The following CC2D2A variants were observed in gnomAD, a reference collection of about 807,000 sequenced individuals.
CC2D2A encodes the protein coiled-coil and C2 domain-containing protein 2A.
Under a neutral mutation model 212.9 loss-of-function variants are expected in CC2D2A, and 155 were observed. The observed-to-expected ratio is 0.73, with a 90% CI of 0.64 to 0.83. The LOEUF (loss-of-function observed/expected upper bound fraction) is 0.83, where lower values mean the gene tolerates loss of function less well. Ranked by LOEUF, CC2D2A falls within the 40% of genes least tolerant of loss-of-function variation. The pLI is 0.00. For synonymous variants in CC2D2A, 667 were observed against 686.5 expected, an observed-to-expected ratio of 0.97 and a Z score of 0.44; for missense variants, 1,856 against 1,956.2, an observed-to-expected ratio of 0.95 and a Z score of 0.97.
Position 15,527,681 on chromosome 4 carries a change from A to T in CC2D2A, c.1359+25A>T, listed in dbSNP as rs748281944. 7 of 1,548,044 alleles carry T rather than the reference A, an allele frequency of 4.5e-6. No individual in the cohort carries two copies. The South Asian group carries it at 8.3e-5, about 18-fold the overall frequency. On this transcript the variant is annotated intron_variant, in intron 12 of 36. Coordinates refer to ENST00000424120, the MANE Select transcript of CC2D2A (RefSeq NM_001378615.1). ...GGTACATGTGATTTCTTCCATAATGATTGTCAATGGAGTTGGTTCTTCCAA... is the reference window on the plus strand; with the variant it reads ...GGTACATGTGATTTCTTCCATAATGTTTGTCAATGGAGTTGGTTCTTCCAA...
At position 15,538,064 on chromosome 4, in the gene CC2D2A, A is replaced by G; in HGVS notation, c.1930A>G (p.Arg644Gly). 1 of 1,607,636 alleles carries G rather than the reference A, an allele frequency of 6.2e-7. No individual in the cohort carries two copies. The highest frequency in any genetic ancestry group is 8.5e-7 in the Non-Finnish European group (1 of 1,177,212). Reference protein sequence around the residue: ...VRERAAQSRRRPWEPTLVPEL... With the variant: ...VRERAAQSRRGPWEPTLVPEL... Reference sequence around the variant, plus strand: ...GGAGAGAGCAGCCCAGAGCAGGAGGAGGCCTTGGGAGCCCACGCTGGTCCC... The same window carrying G: ...GGAGAGAGCAGCCCAGAGCAGGAGGGGGCCTTGGGAGCCCACGCTGGTCCC... The change falls in exon 16 of 37, where the codon AGG becomes GGG. Residue 644 changes from arginine to glycine, a missense_variant. By Grantham distance (125) the Arg-to-Gly change is moderately radical. This residue lies in a region of CC2D2A where 1,512 missense variants were observed against 1,579.3 expected (regional missense o/e 0.96). Coordinates refer to ENST00000424120, the MANE Select transcript of CC2D2A (RefSeq NM_001378615.1).
intron 17 of CC2D2A, among the ~76,000 whole-genome samples, chr4:15,542,507 G>A (rs1452761503): frequency 6.6e-6 from 1 of 152,182 alleles, no homozygotes; most frequent in Non-Finnish European, 1.5e-5. Flanking sequence ...TTCCCACTGA[G>A]CCTGAATATA....
chr4:15,579,125 C>A (rs1230861739), intron 29 of CC2D2A, among the ~76,000 whole-genome samples: 1 of 152,018 alleles, frequency 6.6e-6, no homozygotes, highest in Non-Finnish European at 1.5e-5. Flanking sequence ...TAAAGGAAAT[C>A]TACATTTGTT....
chr4:15,592,089 G>A (rs543985290), intron 33 of CC2D2A, among the ~76,000 whole-genome samples: 1 of 152,120 alleles, frequency 6.6e-6, no homozygotes, highest in Non-Finnish European at 1.5e-5. Context: ...TTGGATGTCA[G>A]TCTTTTTCCT....
chr4:15,575,698 C>A (rs1278274446), intron 29 of CC2D2A, among the ~76,000 whole-genome samples: 1 of 152,154 alleles, frequency 6.6e-6, no homozygotes, highest in Admixed American at 6.5e-5. Flanking sequence ...AACAGTGCTT[C>A]TCTAGATATA....
chr4:15,561,654 C>A (rs1174789471), intron 23 of CC2D2A: 3 of 151,076 alleles, frequency 2.0e-5, no homozygotes, highest in Non-Finnish European at 4.4e-5. Flanking sequence ...TAAGATGTTT[C>A]TGTATTTGAT....
intron 5 of CC2D2A, 78 bp downstream of exon 5, chr4:15,502,595 C>T (rs1343571318): frequency 2.4e-5 from 30 of 1,276,046 alleles, no homozygotes; most frequent in Non-Finnish European, 3.1e-5. Context: ...TTTTTATGCT[C>T]CAAACTGCAT....
In CC2D2A at chr4:15,555,122, C is replaced by A. The variant is rs534682728; in HGVS notation, c.2537C>A (p.Thr846Lys). 4.3e-6 allele frequency: 7 copies of A among 1,613,790 alleles called. No homozygotes were observed. Among genetic ancestry groups the A allele is most frequent in the Non-Finnish European group, 5.9e-6 (7 of 1,179,818 alleles). The change falls in exon 20 of 37, where the codon ACA becomes AAA. Residue 846 changes from threonine to lysine, a missense_variant. By Grantham distance (78) the Thr-to-Lys change is moderately conservative. This residue lies in a region of CC2D2A where 1,512 missense variants were observed against 1,579.3 expected (regional missense o/e 0.96). Transcript: ENST00000424120. ...TCATCTATTGGCACATCAGGACTGACAGACATGAAAAAATTGGCCAAGTGG... is the reference window on the plus strand; with the variant it reads ...TCATCTATTGGCACATCAGGACTGAAAGACATGAAAAAATTGGCCAAGTGG... Reference protein sequence around the residue: ...AISSIGTSGLTDMKKLAKWAA... With the variant: ...AISSIGTSGLKDMKKLAKWAA...
At chr4:15,489,537 C>T (rs973343164) in intron 4 of CC2D2A, among the ~76,000 whole-genome samples, 6 of 152,184 alleles carry the variant, frequency 3.9e-5, no homozygotes, top group Admixed American at 2.6e-4. Flanking sequence ...AAGCCAAGGC[C>T]GCAATTAATC....
chr4:15,540,897 C>T lies in CC2D2A; in HGVS notation c.2064C>T (p.Phe688=). Residue 688 remains phenylalanine (F), a synonymous_variant, in exon 17 of 37, where the codon TTC becomes TTT. Transcript: ENST00000424120. ...GCTCAGTGTACTTAAAAGTGCTGTT[C>T]AACAACAAGGAGGTGTCCAGGACAG... ...KKRSVYLKVL[F]NNKEVSRTVS... is the part of the protein sequence containing the mutation. The T allele has an allele frequency of 6.3e-7, 1 of 1,592,448 alleles. No individual in the cohort carries two copies. The highest frequency in any genetic ancestry group is 8.6e-7 in the Non-Finnish European group (1 of 1,169,180).
intron 8 of CC2D2A, among the ~76,000 whole-genome samples, chr4:15,513,882 G>C (rs753848056): frequency 4.6e-5 from 7 of 152,154 alleles, no homozygotes; most frequent in Admixed American, 3.3e-4. Flanking sequence ...TGTACTTGGG[G>C]AGGAAATCTT....
chr4:15,559,678 T>TTTCCTTCC (rs1294870908), intron 22 of CC2D2A, among the ~76,000 whole-genome samples: 1 of 151,350 alleles, frequency 6.6e-6, no homozygotes, highest in Non-Finnish European at 1.5e-5. Context: ...TTTTTCCTTC[T>TTTCCTTCC]TTCCTTCCTT....
intron 1 of CC2D2A, 67 bp from the exon 2 acceptor site, chr4:15,475,848 T>G (rs1714176775): frequency 8.1e-7 from 1 of 1,237,196 alleles, no homozygotes; most frequent in Non-Finnish European, 1.2e-6. Flanking sequence ...CTCTTACATA[T>G]CCATAGTAAG....
At chr4:15,512,615 G>A (rs2109009052) in intron 8 of CC2D2A, among the ~76,000 whole-genome samples, 1 of 152,236 alleles carries the variant, frequency 6.6e-6, no homozygotes, top group South Asian at 2.1e-4. Flanking sequence ...GGTGGTAAGG[G>A]TAGAATCACA....
At chr4:15,566,283 C>CAGG (rs1183275184) in intron 24 of CC2D2A, among the ~76,000 whole-genome samples, 2 of 152,132 alleles carry the variant, frequency 1.3e-5, no homozygotes, top group Non-Finnish European at 2.9e-5. Context: ...TGAGGCTTGG[C>CAGG]AGGCCCCAGG....
intron 14 of CC2D2A, among the ~76,000 whole-genome samples, chr4:15,534,929 T>C (rs1024730724): frequency 6.6e-6 from 1 of 151,760 alleles, no homozygotes; most frequent in Non-Finnish European, 1.5e-5. Flanking sequence ...ATCTGACACA[T>C]TGCTTTGAAA....
intron 13 of CC2D2A, among the ~76,000 whole-genome samples, chr4:15,529,040 C>G (rs1717672078): frequency 6.6e-6 from 1 of 152,148 alleles, no homozygotes; most frequent in Non-Finnish European, 1.5e-5. Flanking sequence ...GATTCAGATA[C>G]AAGATGTTCT....
intron 20 of CC2D2A, among the ~76,000 whole-genome samples, chr4:15,557,094 T>C (rs1453115036): frequency 1.3e-5 from 2 of 152,216 alleles, no homozygotes; most frequent in Non-Finnish European, 2.9e-5. Flanking sequence ...AAACATATAA[T>C]TTTTATTGTT....
chr4:15,567,371 T>G lies in CC2D2A; in HGVS notation c.3183-6T>G. The G allele has an allele frequency of 6.2e-7, 1 of 1,606,658 alleles. No homozygotes were observed. Among genetic ancestry groups the G allele is most frequent in the Non-Finnish European group, 8.5e-7 (1 of 1,174,278 alleles). ...ATTAATTTCCTTCATACATTTTCTC[T>G]CCTAGCAAATTCCAGCAGCCGTCGA... is the stretch of plus-strand genomic sequence containing the variant. On this transcript the variant is annotated splice_region_variant and splice_polypyrimidine_tract_variant and intron_variant, in intron 24 of 36. Transcript: ENST00000424120.
Sources: gnomAD v4.1 joint callset for allele counts (sites outside exome capture counted in the v4.1 genomes callset) on GRCh38, gnomAD v4.1.1 for gene constraint, gnomAD v4.1.1 regional missense constraint, MANE v1.5 for transcripts, NCBI Gene and HGNC (gene_info 2026-07-23, HGNC 2026-07-21) for gene names.